Variants in AP3B1 observed in about 807,000 individuals in gnomAD.
The protein encoded by AP3B1 is AP-3 complex subunit beta-1.
A neutral mutation model predicts 132.5 loss-of-function variants in AP3B1; 61 were observed. That is an observed-to-expected ratio of 0.46 (90% CI 0.37 to 0.57). The LOEUF is 0.57. AP3B1 is among the 20% of genes least tolerant of loss of function. The probability of loss-of-function intolerance (pLI) is 0.00; values close to 1 mark genes in which losing one functional copy is unlikely to be tolerated. For synonymous variants in AP3B1, 388 were observed against 438.3 expected, an observed-to-expected ratio of 0.89 and a Z score of 1.43; for missense variants, 1,120 against 1,289.4, an observed-to-expected ratio of 0.87 and a Z score of 2.01.
chr5:78,291,251 C>A (rs1214043138), intron 1 of AP3B1, among the ~76,000 whole-genome samples: 1 of 151,742 alleles, frequency 6.6e-6, no homozygotes, highest in Non-Finnish European at 1.5e-5. Flanking sequence ...GGCCAAGAAG[C>A]CAAAGAGCAG....
At chr5:78,207,860 G>A (rs993947548) in intron 7 of AP3B1, among the ~76,000 whole-genome samples, 5 of 152,118 alleles carry the variant, frequency 3.3e-5, no homozygotes, top group African/African-American at 4.8e-5. Context: ...ACCATAACCA[G>A]CAAGATGTCA....
intron 23 of AP3B1, among the ~76,000 whole-genome samples, chr5:78,036,974 C>T (rs1747834215): frequency 6.6e-6 from 1 of 152,114 alleles, no homozygotes; most frequent in Non-Finnish European, 1.5e-5. Flanking sequence ...GACAAAAGAA[C>T]TCTGTATCTT....
chr5:78,048,672 G>A (rs1320319159), intron 22 of AP3B1, among the ~76,000 whole-genome samples: 1 of 152,218 alleles, frequency 6.6e-6, no homozygotes, highest in Non-Finnish European at 1.5e-5. Context: ...AAGCATAGAT[G>A]AGAGACAGAG....
chr5:78,290,422 A>G (rs1057059961), intron 1 of AP3B1, among the ~76,000 whole-genome samples: 1 of 152,176 alleles, frequency 6.6e-6, no homozygotes, highest in African/African-American at 2.4e-5. Flanking sequence ...ATGCTCTCAA[A>G]GGAAAAGAGA....
At chr5:78,083,456 C>T (rs1750100552) in intron 22 of AP3B1, among the ~76,000 whole-genome samples, 1 of 152,110 alleles carries the variant, frequency 6.6e-6, no homozygotes, top group Non-Finnish European at 1.5e-5. Context: ...ACAAAATTGT[C>T]TTTTTTCCCC....
At chr5:78,175,590 G>A (rs1166542227) in intron 11 of AP3B1, 36 bp downstream of exon 11, 5 of 1,530,164 alleles carry the variant, frequency 3.3e-6, no homozygotes, top group Non-Finnish European at 4.5e-6. Context: ...CAAAACAAAT[G>A]TGTTAAAAGC....
At chr5:78,244,782 G>A (rs998809683) in intron 2 of AP3B1, among the ~76,000 whole-genome samples, 1 of 152,136 alleles carries the variant, frequency 6.6e-6, no homozygotes, top group Non-Finnish European at 1.5e-5. Context: ...GGATCACAAG[G>A]TCTGGAGATC....
At chr5:78,271,756 G>A (rs1360856798) in intron 1 of AP3B1, among the ~76,000 whole-genome samples, 1 of 152,202 alleles carries the variant, frequency 6.6e-6, no homozygotes, top group Non-Finnish European at 1.5e-5. Flanking sequence ...ATTCTCATCA[G>A]ATGGATTTTA....
chr5:78,046,413 C>T (rs1748331984), intron 22 of AP3B1, among the ~76,000 whole-genome samples: 1 of 152,232 alleles, frequency 6.6e-6, no homozygotes, highest in Non-Finnish European at 1.5e-5. Flanking sequence ...AACCATCCCC[C>T]TATTCCCAAC....
chr5:78,238,929 T>A (rs780501563), intron 3 of AP3B1, among the ~76,000 whole-genome samples: 13 of 148,602 alleles, frequency 8.7e-5, no homozygotes, highest in Non-Finnish European at 1.5e-5. Context: ...CAACAACAGG[T>A]GCACACTAGA....
rs543604846 is a variant in AP3B1 at position 78,023,332 on chromosome 5, C to A, written c.2895-2543G>T. 6.6e-5 allele frequency among the ~76,000 whole-genome samples: 10 copies of A among 152,178 alleles called. No individual in the cohort carries two copies. In the South Asian group the frequency reaches 2.1e-3, roughly 32 times the overall value. ...TGACAGGTGCTTATAGTCCTAGCTA[C>A]TTGGGAGCGTGAGCTGGGAGGATTG... On this transcript the variant is annotated intron_variant, in intron 24 of 26. Coordinates refer to ENST00000255194, the MANE Select transcript of AP3B1 (RefSeq NM_003664.5).
chr5:78,181,416 G>T, intron 8 of AP3B1, 91 bp downstream of exon 8: 1 of 1,211,948 alleles, frequency 8.3e-7, no homozygotes, highest in Non-Finnish European at 1.2e-6. Flanking sequence ...TGCTCCATTA[G>T]CACACACAGA....
rs1487172373 is a variant in AP3B1 at position 78,113,669 on chromosome 5, T to C, written c.2249+83A>G. On this transcript the variant is annotated intron_variant, in intron 19 of 26. Coordinates refer to ENST00000255194, the MANE Select transcript of AP3B1 (RefSeq NM_003664.5). ...ATACACACTTTTTTTCTCTCACCAT[T>C]TTTTGATTAATAAGAAACATCTCTG... is the stretch of plus-strand genomic sequence containing the variant. 4 of 1,504,248 alleles carry C rather than the reference T, an allele frequency of 2.7e-6. No homozygotes were observed. In the Admixed American group the frequency reaches 5.1e-5, roughly 19 times the overall value. 93.2% of individuals were successfully genotyped at this position (1,504,248 alleles called of 1,614,324 possible). A position where few individuals can be genotyped will look rare whatever the true frequency, so the allele number is the denominator to read the frequency against.
chr5:78,132,825 G>A (rs1421353285), intron 15 of AP3B1, among the ~76,000 whole-genome samples: 1 of 152,140 alleles, frequency 6.6e-6, no homozygotes, highest in East Asian at 1.9e-4. Context: ...TAAGTACTAA[G>A]TGGAAATTTA....
intron 3 of AP3B1, among the ~76,000 whole-genome samples, chr5:78,232,162 CTG>C (rs1035795607): frequency 6.6e-6 from 1 of 152,140 alleles, no homozygotes; most frequent in Non-Finnish European, 1.5e-5. Flanking sequence ...AATAATAGTG[CTG>C]TGATTCTTCT....
At chr5:78,188,536 T>C (rs1035955545) in intron 7 of AP3B1, among the ~76,000 whole-genome samples, 1 of 152,192 alleles carries the variant, frequency 6.6e-6, no homozygotes, top group Non-Finnish European at 1.5e-5. Flanking sequence ...TTAGATATCA[T>C]TTCATACCAC....
chr5:78,233,594 A>G (rs755203662), intron 3 of AP3B1, among the ~76,000 whole-genome samples: 4 of 152,178 alleles, frequency 2.6e-5, no homozygotes, highest in Non-Finnish European at 4.4e-5. Flanking sequence ...TTAATTAGGA[A>G]ATACAGAATA....
At chr5:78,193,336 T>C (rs1365453854) in intron 7 of AP3B1, among the ~76,000 whole-genome samples, 1 of 152,126 alleles carries the variant, frequency 6.6e-6, no homozygotes, top group African/African-American at 2.4e-5. Flanking sequence ...TTATTTAACA[T>C]GTTAACTATA....
At chr5:78,281,676 T>G (rs1447142413) in intron 1 of AP3B1, among the ~76,000 whole-genome samples, 1 of 152,154 alleles carries the variant, frequency 6.6e-6, no homozygotes. Flanking sequence ...TCATCCAAAA[T>G]TATTTAAGTA....
Sources: gnomAD v4.1 joint callset for allele counts (sites outside exome capture counted in the v4.1 genomes callset) on GRCh38, gnomAD v4.1.1 for gene constraint, MANE v1.5 for transcripts, NCBI Gene and HGNC (gene_info 2026-07-23, HGNC 2026-07-21) for gene names.